Variants in NECAB3 observed in about 807,000 individuals in gnomAD.
NECAB3 encodes the protein N-terminal EF-hand calcium-binding protein 3.
NECAB3 carries 38 observed loss-of-function variants against 57.2 expected under a neutral mutation model. That is an observed-to-expected ratio of 0.66 (90% CI 0.51 to 0.87). NECAB3 has a LOEUF of 0.87. NECAB3 is among the 40% of genes least tolerant of loss of function. NECAB3 has a pLI of 0.00. For missense variants in NECAB3, 474 were observed against 527.5 expected (o/e 0.90, Z 0.99); for synonymous variants, 223 against 222.6 (o/e 1.00, Z -0.02).
Position 33,670,700 on chromosome 20 carries a change from C to T in NECAB3, c.247G>A (p.Asp83Asn), listed in dbSNP as rs2017811044. ...CATACTCACTCGGTGAGATGCCCAT[C>T]AATGCCGCTGAACAGTTCCTGCAGC... ...GELQELFSGIDGHLTDNLETE... is the reference protein window; with the variant it reads ...GELQELFSGINGHLTDNLETE... Residue 83 changes from aspartate to asparagine, a missense_variant, in exon 3 of 12, where the codon GAT becomes AAT. Physicochemically the swap from Asp to Asn is conservative, Grantham distance 23. Coordinates refer to ENST00000246190, the MANE Select transcript of NECAB3 (RefSeq NM_031232.4). 6.2e-7 allele frequency: 1 copy of T among 1,613,644 alleles called. No individual in the cohort carries two copies. Among genetic ancestry groups the T allele is most frequent in the African/African-American group, 1.3e-5 (1 of 74,910 alleles).
Position 33,668,016 on chromosome 20 carries a change from T to C in NECAB3, c.387+1359A>G, listed in dbSNP as rs774009219. On this transcript the variant is annotated intron_variant, in intron 5 of 11. Transcript: ENST00000246190. ...TAGCCGGCGGCTCCACACTGTTTCC[T>C]GGCTTCGCCGAGCGCCTGGACAAGG... The C allele has an allele frequency of 2.1e-5, 32 of 1,542,092 alleles. No individual in the cohort carries two copies. The East Asian group carries it at 6.1e-4, about 30-fold the overall frequency.
intron 5 of NECAB3, chr20:33,662,407 C>G: frequency 6.4e-7 from 1 of 1,551,594 alleles, no homozygotes; most frequent in East Asian, 2.4e-5. Context: ...AAGGAGAGGC[C>G]GGCTGACATG....
intron 2 of NECAB3, 114 bp downstream of exon 2, chr20:33,672,284 C>A (rs1601177100): frequency 1.6e-6 from 2 of 1,254,358 alleles, no homozygotes; most frequent in East Asian, 2.3e-5. Flanking sequence ...CTGTTTTGGG[C>A]CCCCAAGATT....
Position 33,660,183 on chromosome 20 carries a change from G to A in NECAB3, c.524+76C>T, listed in dbSNP as rs2017421214. On this transcript the variant is annotated intron_variant, in intron 6 of 11. Coordinates refer to ENST00000246190, the MANE Select transcript of NECAB3 (RefSeq NM_031232.4). This position sits in a 1 kb window ranked among gnomAD's most constrained non-coding sequence, Gnocchi z 4.1. Reference sequence around the variant, plus strand: ...GAAAATGCAGGCTCCAGGATGCTGGGACTGTGGGGATTTGGAATGGGGGTA... The same window carrying A: ...GAAAATGCAGGCTCCAGGATGCTGGAACTGTGGGGATTTGGAATGGGGGTA... The A allele has an allele frequency of 6.4e-7, 1 of 1,573,054 alleles. No individual in the cohort carries two copies. Among genetic ancestry groups the A allele is most frequent in the Non-Finnish European group, 8.6e-7 (1 of 1,156,414 alleles).
At chr20:33,667,335 G>T in intron 5 of NECAB3, 1 of 923,172 alleles carries the variant, frequency 1.1e-6, no homozygotes, top group Non-Finnish European at 1.5e-6. Flanking sequence ...TGGCGGACTG[G>T]GAGGCGCTGG....
rs2017330181 is a variant in NECAB3, at chr20:33,657,787, G to A, written c.*42C>T. ...GCCAGTCCAGAAGGCTCCAGAGGGA[G>A]GCAGGCAGGGTCCCGGGGCCCTCGG... On this transcript the variant is annotated 3_prime_UTR_variant, in exon 12 of 12. Transcript: ENST00000246190. 1 of 1,497,756 alleles carries A rather than the reference G, an allele frequency of 6.7e-7. No individual in the cohort carries two copies. Among genetic ancestry groups the A allele is most frequent in the Non-Finnish European group, 8.9e-7 (1 of 1,119,330 alleles). 92.8% of individuals were successfully genotyped at this position (1,497,756 alleles called of 1,614,324 possible). A position where few individuals can be genotyped will look rare whatever the true frequency, so the allele number is the denominator to read the frequency against.
chr20:33,660,821 G>A lies in NECAB3; in HGVS notation c.388-426C>T, dbSNP rs371194049. On this transcript the variant is annotated intron_variant, in intron 5 of 11. Coordinates refer to ENST00000246190, the MANE Select transcript of NECAB3 (RefSeq NM_031232.4). The surrounding 1 kb of genome is among the most constrained non-coding windows in gnomAD (Gnocchi z 4.1). ...GTGTGGCCCCAGACTCACAATCTAC[G>A]TATTCACTCATTCATTCATTCACTC... Among the ~76,000 whole-genome samples the A allele has an allele frequency of 1.1e-4, 17 of 152,198 alleles. No homozygotes were observed. The highest frequency in any genetic ancestry group is 1.5e-4 in the Non-Finnish European group (10 of 68,032).
intron 1 of NECAB3, among the ~76,000 whole-genome samples, chr20:33,672,640 A>G (rs995967960): frequency 1.3e-5 from 2 of 152,092 alleles, no homozygotes; most frequent in Admixed American, 6.5e-5. Context: ...ACCTCTGCTC[A>G]CTTCTCCTGC....
upstream of NECAB3, chr20:33,674,444 C>T (rs931415305): frequency 3.9e-6 from 4 of 1,019,130 alleles, no homozygotes; most frequent in African/African-American, 1.7e-5. Context: ...CCCTTGGCGC[C>T]GGCGCCGACG....
intron 8 of NECAB3, 119 bp from the exon 9 acceptor site, chr20:33,658,953 T>C: frequency 1.4e-6 from 1 of 702,028 alleles, no homozygotes; most frequent in Non-Finnish European, 2.5e-6. Flanking sequence ...GACAGGGTCT[T>C]GCTCTCACCC....
chr20:33,673,420 C>A (rs1259246799), intron 1 of NECAB3, among the ~76,000 whole-genome samples: 1 of 152,172 alleles, frequency 6.6e-6, no homozygotes, highest in African/African-American at 2.4e-5. Context: ...CAGGGAGGCC[C>A]AGGTAGGGTA....
chr20:33,674,177 G>C, intron 1 of NECAB3, 47 bp downstream of exon 1: 1 of 1,246,784 alleles, frequency 8.0e-7, no homozygotes, highest in Non-Finnish European at 1.0e-6. Context: ...GAGACTAACA[G>C]AGACTCGGGT....
intron 5 of NECAB3, chr20:33,668,309 TG>T: frequency 6.6e-7 from 1 of 1,515,574 alleles, no homozygotes; most frequent in Non-Finnish European, 8.9e-7. Flanking sequence ...TGTTTGGAGC[TG>T]GCAGGGTCCT....
At position 33,660,028 on chromosome 20, in the gene NECAB3, C is replaced by A. The variant is rs765004543; in HGVS notation, c.525-25G>T. 1 of 1,565,872 alleles carries A rather than the reference C, an allele frequency of 6.4e-7. No homozygotes were observed. Among genetic ancestry groups the A allele is most frequent in the Middle Eastern group, 1.7e-4 (1 of 5,964 alleles). On this transcript the variant is annotated intron_variant, in intron 6 of 11. Coordinates refer to ENST00000246190, the MANE Select transcript of NECAB3 (RefSeq NM_031232.4). The surrounding 1 kb of genome is among the most constrained non-coding windows in gnomAD (Gnocchi z 4.1). ...CCTAGAGGAAGTGAGGCTCACAGGG[C>A]CGAGGACTGGGGCCCCAGGACGGGA... is the stretch of plus-strand genomic sequence containing the variant.
Position 33,657,821 on chromosome 20 carries a change from G to T in NECAB3, c.*8C>A. The T allele has an allele frequency of 6.5e-7, 1 of 1,535,288 alleles. No individual in the cohort carries two copies. On this transcript the variant is annotated 3_prime_UTR_variant, in exon 12 of 12. Coordinates refer to ENST00000246190, the MANE Select transcript of NECAB3 (RefSeq NM_031232.4). ...GGTCCCGGGGCCCTCGGCGTGTGCA[G>T]GTCTGGCTCAGTTGTTATTCATTAT... is the stretch of plus-strand genomic sequence containing the variant.
intron 5 of NECAB3, chr20:33,669,108 C>A: frequency 4.1e-6 from 2 of 485,928 alleles, no homozygotes; most frequent in South Asian, 2.5e-5. Flanking sequence ...ATTCTGGGTG[C>A]TGGAAACAGA....
intron 5 of NECAB3, chr20:33,667,904 C>G (rs1271180981): frequency 4.4e-6 from 7 of 1,578,820 alleles, no homozygotes; most frequent in Non-Finnish European, 6.0e-6. Context: ...CTGGGCCAGG[C>G]TGAGCAGGGG....
At chr20:33,670,634 GTAAAGACAACCTGGCC>G (rs1260635451) in intron 3 of NECAB3, 34 bp downstream of exon 3, 27 of 1,383,256 alleles carry the variant, frequency 2.0e-5, no homozygotes, top group Non-Finnish European at 2.6e-5. Context: ...ACACAGTGGG[GTAAAGACAACCTGGCC>G]TCGCATCTAC....
rs763336707 is a variant in NECAB3 at position 33,668,059 on chromosome 20, C to G, written c.387+1316G>C. 1 of 1,566,686 alleles carries G rather than the reference C, an allele frequency of 6.4e-7. No individual in the cohort carries two copies. The highest frequency in any genetic ancestry group is 8.6e-7 in the Non-Finnish European group (1 of 1,156,378). ...GGACAAGGAGCTGGAGGCGCAGTGCCGGCGGCACGGCTACGCGGCCCTGCG... is the reference window on the plus strand; with the variant it reads ...GGACAAGGAGCTGGAGGCGCAGTGCGGGCGGCACGGCTACGCGGCCCTGCG... On this transcript the variant is annotated intron_variant, in intron 5 of 11. Transcript: ENST00000246190.
Sources: gnomAD v4.1 joint callset for allele counts (sites outside exome capture counted in the v4.1 genomes callset) on GRCh38, gnomAD v4.1.1 for gene constraint, Gnocchi (gnomAD v3.1) non-coding constraint, MANE v1.5 for transcripts, NCBI Gene and HGNC (gene_info 2026-07-23, HGNC 2026-07-21) for gene names.